The following SEPTIN2 variants were observed in gnomAD, a reference collection of about 807,000 sequenced individuals.
SEPTIN2 encodes septin-2.
SEPTIN2 carries 34 observed loss-of-function variants against 46.5 expected under a neutral mutation model. That is an observed-to-expected ratio of 0.73 (90% confidence interval 0.56 to 0.97). The LOEUF (loss-of-function observed/expected upper bound fraction) is 0.97, where lower values mean the gene tolerates loss of function less well. Ranked by LOEUF, SEPTIN2 falls within the 50% of genes least tolerant of loss-of-function variation. The pLI, the probability that SEPTIN2 is intolerant of heterozygous loss-of-function variation, is 0.00. For missense variants in SEPTIN2, 347 were observed against 448.4 expected, an observed-to-expected ratio of 0.77 and a Z score of 2.04; for synonymous variants, 175 against 153.4, an observed-to-expected ratio of 1.14 and a Z score of -1.04.
chr2:241,337,818 C>A, intron 7 of SEPTIN2, 28 bp downstream of exon 7: 1 of 1,515,356 alleles, frequency 6.6e-7, no homozygotes, highest in Non-Finnish European at 9.2e-7. Flanking sequence ...CCTGCCCTCC[C>A]TCTGGGTGCG....
intron 2 of SEPTIN2, 75 bp downstream of exon 2, chr2:241,324,316 TTA>T (rs1012652449): frequency 2.6e-5 from 30 of 1,169,280 alleles, no homozygotes; most frequent in Non-Finnish European, 6.3e-6. Context: ...CAGTCGGGAC[TTA>T]TATGATTCAT....
rs111269297 is a variant in SEPTIN2, at chr2:241,324,381, T to C, written c.9+140T>C. 1.9e-3 allele frequency: 1,303 copies of C among 698,394 alleles called. 18 individuals carry two copies. The African/African-American group carries it at 0.024, about 13-fold the overall frequency. 43.3% of individuals were successfully genotyped at this position (698,394 alleles called of 1,614,324 possible). ...TTCATTAACACAAAGAGTTCTAATT[T>C]AGTTGTCTTTTTTTTTTTTTTTTTG... On this transcript the variant is annotated intron_variant, in intron 2 of 12. Transcript: ENST00000391971.
chr2:241,335,126 G>C lies in SEPTIN2; in HGVS notation c.131G>C (p.Gly44Ala). Residue 44 changes from glycine to alanine, a missense_variant and splice_region_variant, in exon 4 of 13, where the codon GGT becomes GCT. By Grantham distance (60) the Gly-to-Ala change is moderately conservative (BLOSUM62 0). Coordinates refer to ENST00000391971, the MANE Select transcript of SEPTIN2 (RefSeq NM_004404.5). ...ACAAGGTTTTTCTTTTTATTTAAAG[G>C]TGAATCAGGTCTAGGAAAATCGACT... ...KGFEFTLMVV[G>A]ESGLGKSTLI... 6.2e-7 allele frequency: 1 copy of C among 1,608,560 alleles called. No individual in the cohort carries two copies. The highest frequency in any genetic ancestry group is 8.5e-7 in the Non-Finnish European group (1 of 1,175,456).
At chr2:241,323,460 G>T (rs1198055584) in intron 1 of SEPTIN2, among the ~76,000 whole-genome samples, 1 of 152,110 alleles carries the variant, frequency 6.6e-6, no homozygotes, top group Non-Finnish European at 1.5e-5. Context: ...GTTTCACCAT[G>T]TTGGCCAGGC....
At chr2:241,348,900 AAG>A (rs1341994738) in intron 11 of SEPTIN2, among the ~76,000 whole-genome samples, 1 of 152,240 alleles carries the variant, frequency 6.6e-6, no homozygotes, top group Non-Finnish European at 1.5e-5. Flanking sequence ...TGGAAACAAA[AAG>A]AAAATACTTC....
chr2:241,336,553 G>A (rs1402194355), intron 5 of SEPTIN2, among the ~76,000 whole-genome samples: 1 of 152,156 alleles, frequency 6.6e-6, no homozygotes, highest in Non-Finnish European at 1.5e-5. Context: ...CACTTTTGTT[G>A]TACAAACTCC....
At chr2:241,324,113 T>C in intron 1 of SEPTIN2, 103 bp from the exon 2 acceptor site, 1 of 1,032,494 alleles carries the variant, frequency 9.7e-7, no homozygotes. Context: ...CCTATGTATG[T>C]GTAAGTCTTC....
intron 1 of SEPTIN2, chr2:241,320,419 C>G (rs1274625057): frequency 1.2e-5 from 5 of 406,808 alleles, no homozygotes; most frequent in Non-Finnish European, 2.0e-5. Context: ...TACATGTAGT[C>G]TTCTCTGTCA....
chr2:241,332,318 C>T (rs1156446872), intron 3 of SEPTIN2, among the ~76,000 whole-genome samples: 1 of 152,184 alleles, frequency 6.6e-6, no homozygotes, highest in Non-Finnish European at 1.5e-5. Flanking sequence ...AAATATTGCA[C>T]AGATCAGTAA....
At chr2:241,329,273 C>T (rs535219609) in intron 3 of SEPTIN2, among the ~76,000 whole-genome samples, 21 of 151,896 alleles carry the variant, frequency 1.4e-4, no homozygotes, top group Non-Finnish European at 2.1e-4. Context: ...TACAGGCACC[C>T]GCCACCACAC....
intron 3 of SEPTIN2, among the ~76,000 whole-genome samples, chr2:241,327,409 A>G (rs537001125): frequency 4.6e-5 from 7 of 152,024 alleles, no homozygotes; most frequent in African/African-American, 1.7e-4. Flanking sequence ...GTAAGGGAAA[A>G]GCTGGAAAAA....
At chr2:241,316,566 G>A (rs1274534844) in intron 1 of SEPTIN2, 4 of 1,509,634 alleles carry the variant, frequency 2.6e-6, no homozygotes, top group African/African-American at 1.4e-5. Flanking sequence ...GCACGGACAG[G>A]CAGCAGGGGG....
intron 3 of SEPTIN2, among the ~76,000 whole-genome samples, chr2:241,328,440 A>G (rs1022010753): frequency 1.4e-4 from 21 of 151,946 alleles, no homozygotes; most frequent in African/African-American, 4.8e-4. Context: ...CAAAAAATAA[A>G]ATTAAGTAGA....
intron 3 of SEPTIN2, among the ~76,000 whole-genome samples, chr2:241,333,730 C>T (rs747882885): frequency 6.6e-6 from 1 of 152,102 alleles, no homozygotes; most frequent in Non-Finnish European, 1.5e-5. Flanking sequence ...GTCTTGAACT[C>T]CTGACCTCAT....
At chr2:241,338,831 T>TATATATTATATTTATATTATTTATATA (rs1264517417) in intron 7 of SEPTIN2, among the ~76,000 whole-genome samples, 2 of 99,316 alleles carry the variant, frequency 2.0e-5, no homozygotes, top group East Asian at 4.7e-4. Flanking sequence ...TTATATATAA[T>TATATATTATATTTATATTATTTATATA]ATATATAATA....
chr2:241,342,152 G>A (rs2081333433), intron 7 of SEPTIN2, among the ~76,000 whole-genome samples: 2 of 152,238 alleles, frequency 1.3e-5, no homozygotes, highest in East Asian at 1.9e-4. Context: ...TATCCAACTG[G>A]ATGTCTTAGA....
intron 3 of SEPTIN2, among the ~76,000 whole-genome samples, chr2:241,329,996 A>C (rs897789814): frequency 7.2e-5 from 11 of 152,250 alleles, no homozygotes; most frequent in African/African-American, 2.7e-4. Flanking sequence ...ATATTTAAGA[A>C]TGTTAGCACA....
chr2:241,350,291 T>G, intron 12 of SEPTIN2, 88 bp downstream of exon 12: 3 of 665,254 alleles, frequency 4.5e-6, no homozygotes, highest in Non-Finnish European at 6.9e-6. Context: ...TTAAGCCTCA[T>G]TAATATTTTG....
rs2060956433 is a variant in SEPTIN2 at position 241,354,006 on chromosome 2, G to A, written c.*2069G>A. 1 of 152,228 alleles carries A rather than the reference G, an allele frequency of 6.6e-6. No homozygotes were observed. Among genetic ancestry groups the A allele is most frequent in the African/African-American group, 2.4e-5 (1 of 41,464 alleles). The allele number at this position is 152,228 out of a possible 1,614,324, so 9.4% of individuals were successfully genotyped here. On this transcript the variant is annotated 3_prime_UTR_variant, in exon 13 of 13. Coordinates refer to ENST00000391971, the MANE Select transcript of SEPTIN2 (RefSeq NM_004404.5). The stretch of plus-strand genomic sequence containing the variant: ...TTTAAACTAACCTTTTATCAATAAA[G>A]CACTATTGTTTAGATATTAAATGAG...
Sources: allele counts gnomAD v4.1 joint callset (sites outside exome capture counted in the v4.1 genomes callset), GRCh38; gene constraint gnomAD v4.1.1; transcripts MANE v1.5; gene names NCBI Gene and HGNC (gene_info 2026-07-23, HGNC 2026-07-21).